Variants in PTGR3 observed in about 807,000 individuals in gnomAD.
PTGR3 encodes prostaglandin reductase 3, also known as zinc binding alcohol dehydrogenase domain containing 2.
chr18:75,201,914 A>C, the PTGR3 span: 1 of 1,614,220 alleles, frequency 6.2e-7, no homozygotes, highest in Admixed American at 1.7e-5. Context: ...GAGATTTCAG[A>C]AAAGCAGACT....
chr18:75,205,180 C>T, the PTGR3 span: 3 of 985,438 alleles, frequency 3.0e-6, no homozygotes, highest in Non-Finnish European at 3.6e-6. Flanking sequence ...CCGGGACCCG[C>T]CTGAGTCCTT....
At chr18:75,197,301 TGAG>T in the PTGR3 span, 8 of 152,230 alleles carry the variant, frequency 5.3e-5, no homozygotes, top group African/African-American at 1.9e-4. Context: ...GATAAATGCT[TGAG>T]GAGGTAGACA....
the PTGR3 span, chr18:75,208,973 A>C: frequency 6.3e-7 from 1 of 1,594,956 alleles, no homozygotes; most frequent in Non-Finnish European, 8.5e-7. Context: ...GGCTTGGGGA[A>C]TGGCGGAGCC....
chr18:75,201,772 G>A, the PTGR3 span: 5 of 1,614,224 alleles, frequency 3.1e-6, no homozygotes, highest in Non-Finnish European at 4.2e-6. Flanking sequence ...TTCGTAGCCA[G>A]GGCGTCTACA....
At chr18:75,206,325 C>T in the PTGR3 span, among the ~76,000 whole-genome samples, 4 of 152,048 alleles carry the variant, frequency 2.6e-5, no homozygotes, top group African/African-American at 9.7e-5. Context: ...AAATTGTTCA[C>T]TGAAAGAAAA....
At chr18:75,208,544 A>G in the PTGR3 span, 1 of 959,284 alleles carries the variant, frequency 1.0e-6, no homozygotes, top group Non-Finnish European at 1.3e-6. Context: ...CGTCGGTTTT[A>G]TTTCGGGAGC....
chr18:75,201,589 C>T, the PTGR3 span: 6 of 1,614,052 alleles, frequency 3.7e-6, no homozygotes, highest in African/African-American at 1.3e-5. Flanking sequence ...ACACACATCT[C>T]GAGCAAGTGG....
chr18:75,201,880 A>C, the PTGR3 span: 31 of 1,614,100 alleles, frequency 1.9e-5, 1 homozygote, highest in South Asian at 2.0e-4. Flanking sequence ...TCAGTTTTAT[A>C]GTTGATAGGA....
At chr18:75,204,648 A>G in the PTGR3 span, among the ~76,000 whole-genome samples, 1 of 151,862 alleles carries the variant, frequency 6.6e-6, no homozygotes, top group Non-Finnish European at 1.5e-5. Context: ...CACCGCCACC[A>G]CGGAGAGGGG....
the PTGR3 span, chr18:75,202,261 CTATG>C: frequency 6.2e-7 from 1 of 1,614,140 alleles, no homozygotes; most frequent in Non-Finnish European, 8.5e-7. Context: ...CCTTCGAAAC[CTATG>C]TCAAAGGGAG....
chr18:75,207,063 G>C, the PTGR3 span, among the ~76,000 whole-genome samples: 1 of 152,188 alleles, frequency 6.6e-6, no homozygotes, highest in Non-Finnish European at 1.5e-5. Context: ...AAACCCCACA[G>C]AGTTTATTAA....
the PTGR3 span, chr18:75,199,888 TTCCATTTACCATATAAATTGTATTG>T: frequency 6.6e-6 from 1 of 152,650 alleles, no homozygotes; most frequent in African/African-American, 2.4e-5. Context: ...CATTATTTGG[TTCCATTTACCATATAAATTGTATTG>T]TTGTGCATGC....
the PTGR3 span, among the ~76,000 whole-genome samples, chr18:75,204,074 G>A: frequency 6.6e-6 from 1 of 152,218 alleles, no homozygotes; most frequent in African/African-American, 2.4e-5. Context: ...CCCTTCCCAC[G>A]CCCTTCATCC....
At chr18:75,209,108 C>G in the PTGR3 span, 8 of 1,381,502 alleles carry the variant, frequency 5.8e-6, no homozygotes, top group Non-Finnish European at 7.5e-6. The surrounding 1 kb of genome is among the most constrained non-coding windows in gnomAD (Gnocchi z 4.7). Flanking sequence ...GGGGTCGGCC[C>G]CCGCCCGGGC....
chr18:75,197,565 C>G, the PTGR3 span: 1 of 152,202 alleles, frequency 6.6e-6, no homozygotes, highest in South Asian at 2.1e-4. Context: ...AAAGTGACCA[C>G]GGCAACCATA....
the PTGR3 span, chr18:75,208,799 G>A: frequency 3.1e-5 from 42 of 1,350,770 alleles, no homozygotes; most frequent in Non-Finnish European, 3.9e-5. Context: ...GCGGCGCGGC[G>A]CGAGCCCGGG....
chr18:75,201,300 C>T, the PTGR3 span: 3 of 917,338 alleles, frequency 3.3e-6, no homozygotes, highest in Admixed American at 2.8e-5. Flanking sequence ...TAACACCTTA[C>T]TTTTGTTTTA....
the PTGR3 span, chr18:75,201,555 A>G: frequency 1.2e-6 from 2 of 1,614,146 alleles, no homozygotes; most frequent in Non-Finnish European, 1.7e-6. Context: ...TCCAAGGTCC[A>G]CCTCACAAAC....
chr18:75,202,170 C>T, the PTGR3 span: 2 of 1,614,106 alleles, frequency 1.2e-6, no homozygotes, highest in African/African-American at 1.3e-5. Context: ...AGCAAAAGAA[C>T]CAGGTGCCAT....
Sources: allele counts gnomAD v4.1 joint callset (sites outside exome capture counted in the v4.1 genomes callset), GRCh38; gene constraint gnomAD v4.1.1; non-coding constraint Gnocchi (gnomAD v3.1); transcripts MANE v1.5; gene names NCBI Gene and HGNC (gene_info 2026-07-23, HGNC 2026-07-21).